Variants in NSD2 observed in about 807,000 individuals in gnomAD.
The protein encoded by NSD2 is nuclear receptor binding SET domain protein 2.
Under a neutral mutation model 139.0 loss-of-function variants are expected in NSD2, and 12 were observed. The ratio of observed to expected loss-of-function variants is 0.09; its 90% CI spans 0.06 to 0.14. The LOEUF (loss-of-function observed/expected upper bound fraction) is 0.14, where lower values mean the gene tolerates loss of function less well. NSD2 is among the 10% of genes least tolerant of loss of function. The pLI is 1.00. For synonymous variants in NSD2, 669 were observed against 648.7 expected (o/e 1.03, Z -0.48); for missense variants, 1,155 against 1,745.0 (o/e 0.66, Z 6.02).
chr4:1,921,144 T>C (rs561805326), intron 5 of NSD2, among the ~76,000 whole-genome samples: 1 of 152,128 alleles, frequency 6.6e-6, no homozygotes, highest in Non-Finnish European at 1.5e-5. Context: ...ATCAAGGATA[T>C]TACACATGAA....
At chr4:1,977,355 C>T (rs145285460) in intron 21 of NSD2, among the ~76,000 whole-genome samples, 328 of 152,346 alleles carry the variant, frequency 2.2e-3, no homozygotes, top group African/African-American at 6.7e-3. Flanking sequence ...TCTGGCGGTG[C>T]GCAGACATCA....
intron 17 of NSD2, 146 bp downstream of exon 17, chr4:1,959,886 G>T (rs966698302): frequency 2.0e-6 from 2 of 980,892 alleles, no homozygotes; most frequent in Non-Finnish European, 3.0e-6. Flanking sequence ...TTTGAGACAG[G>T]GTCTCACTCT....
chr4:1,922,658 G>A (rs1004002490), intron 5 of NSD2, among the ~76,000 whole-genome samples: 7 of 152,216 alleles, frequency 4.6e-5, no homozygotes, highest in Admixed American at 3.9e-4. Flanking sequence ...AGGTGTGGTG[G>A]CTTACGCCTG....
At chr4:1,886,780 A>G (rs949534423) in intron 1 of NSD2, among the ~76,000 whole-genome samples, 4 of 152,034 alleles carry the variant, frequency 2.6e-5, no homozygotes, top group Non-Finnish European at 5.9e-5. Context: ...TGGAGGTTGC[A>G]GTGAGCTGAG....
At chr4:1,926,355 A>G (rs1720913974) in intron 5 of NSD2, among the ~76,000 whole-genome samples, 3 of 150,894 alleles carry the variant, frequency 2.0e-5, no homozygotes, top group Non-Finnish European at 4.4e-5. Flanking sequence ...GGGTTTCACC[A>G]TGTTGGCCAG....
At chr4:1,966,825 A>G (rs1271056476) in intron 18 of NSD2, among the ~76,000 whole-genome samples, 1 of 152,216 alleles carries the variant, frequency 6.6e-6, no homozygotes, top group African/African-American at 2.4e-5. Flanking sequence ...AGGGCACTCA[A>G]TACATAAAGA....
At chr4:1,898,556 C>G (rs1577385535) in intron 1 of NSD2, among the ~76,000 whole-genome samples, 1 of 151,206 alleles carries the variant, frequency 6.6e-6, no homozygotes, top group Non-Finnish European at 1.5e-5. Context: ...CCCAGCTACT[C>G]AGGAGGGTGA....
chr4:1,944,318 G>A (rs1723401889), intron 9 of NSD2: 1 of 1,066,226 alleles, frequency 9.4e-7, no homozygotes, highest in Non-Finnish European at 1.1e-6. Context: ...GAGGACCATT[G>A]GCTTGCCAAG....
At chr4:1,882,311 C>T (rs1046575822) in intron 1 of NSD2, among the ~76,000 whole-genome samples, 7 of 152,210 alleles carry the variant, frequency 4.6e-5, no homozygotes, top group Middle Eastern at 3.2e-3. Context: ...CGTGCTTTAT[C>T]GTGTTCCCTT....
In NSD2 at chr4:1,972,082, C is replaced by T. The variant is rs1040249206; in HGVS notation, c.3373-2781C>T. On this transcript the variant is annotated intron_variant, in intron 18 of 21. Transcript: ENST00000508803. The surrounding 1 kb of genome is among the most constrained non-coding windows in gnomAD (Gnocchi z 4.0). The stretch of plus-strand genomic sequence containing the variant: ...GCAGCAAGAGGCAAACAGTGTCTCT[C>T]GGAGAATGTGACGGCTGTGTTTGGT... Among the ~76,000 whole-genome samples, 13 of 152,258 alleles carry T rather than the reference C, an allele frequency of 8.5e-5. No individual in the cohort carries two copies. The South Asian group carries it at 1.5e-3, about 17-fold the overall frequency.
rs967760675 is a variant in NSD2, at chr4:1,980,651, T to TG, written c.*1744dup. 1 of 233,082 alleles carries TG rather than the reference T, an allele frequency of 4.3e-6. No homozygotes were observed. The highest frequency in any genetic ancestry group is 8.5e-6 in the Non-Finnish European group (1 of 118,018). The allele number at this position is 233,082 out of a possible 1,614,324, so 14.4% of individuals were successfully genotyped here. A position where few individuals can be genotyped will look rare whatever the true frequency, so the allele number is the denominator to read the frequency against. On this transcript the variant is annotated 3_prime_UTR_variant, in exon 22 of 22. Coordinates refer to ENST00000508803, the MANE Select transcript of NSD2 (RefSeq NM_001042424.3). ...GTCCCACGCCTCCCTGAGCACTGACTGGAAGTTTCACTGGCTGGTGGCTGT... is the reference window on the plus strand; with the variant it reads ...GTCCCACGCCTCCCTGAGCACTGACTGGGAAGTTTCACTGGCTGGTGGCTGT...
chr4:1,926,228 C>T (rs1447693724), intron 5 of NSD2, among the ~76,000 whole-genome samples: 1 of 149,854 alleles, frequency 6.7e-6, no homozygotes, highest in Non-Finnish European at 1.5e-5. Flanking sequence ...GATCTCGGCT[C>T]ACTGCAACCT....
rs559047720 is a variant in NSD2, at chr4:1,966,387, T to C, written c.3372+5236T>C. On this transcript the variant is annotated intron_variant, in intron 18 of 21. Transcript: ENST00000508803. ...ATTGAAGAGATAGGGCTGGGCATGG[T>C]GGCTCACGCCTGTAATTCCAGCGCT... Among the ~76,000 whole-genome samples the C allele has an allele frequency of 2.0e-3, 294 of 148,962 alleles. 1 individual carries two copies. The highest frequency in any genetic ancestry group is 7.0e-3 in the African/African-American group (283 of 40,580).
At chr4:1,886,521 A>T (rs1452188676) in intron 1 of NSD2, among the ~76,000 whole-genome samples, 1 of 151,932 alleles carries the variant, frequency 6.6e-6, no homozygotes, top group Non-Finnish European at 1.5e-5. Context: ...AGCTGTTTCT[A>T]TTTATCTGTA....
At chr4:1,964,265 A>G (rs775398974) in intron 18 of NSD2, among the ~76,000 whole-genome samples, 7 of 152,176 alleles carry the variant, frequency 4.6e-5, no homozygotes, top group Non-Finnish European at 1.0e-4. Context: ...AGGTTAAAAT[A>G]GAGTCATTGA....
chr4:1,920,276 C>T (rs1436791899), intron 5 of NSD2, among the ~76,000 whole-genome samples: 4 of 152,014 alleles, frequency 2.6e-5, no homozygotes, highest in Non-Finnish European at 5.9e-5. Context: ...ATGGTGAAAC[C>T]TTGTCTCTAC....
chr4:1,943,880 T>G, intron 9 of NSD2: 1 of 1,063,536 alleles, frequency 9.4e-7, no homozygotes, highest in Non-Finnish European at 1.1e-6. Context: ...CATGATGAAT[T>G]TTGCATGGGT....
intron 1 of NSD2, among the ~76,000 whole-genome samples, chr4:1,896,767 TTCTC>T (rs1194169766): frequency 6.6e-6 from 1 of 151,550 alleles, no homozygotes; most frequent in East Asian, 1.9e-4. Context: ...TCCTTCTTTC[TTCTC>T]TTTTTTTTCT....
chr4:1,947,457 C>T (rs532169633), intron 9 of NSD2: 2 of 1,058,844 alleles, frequency 1.9e-6, no homozygotes, highest in African/African-American at 3.3e-5. Flanking sequence ...TCACCCCCAG[C>T]CCTGACCCTA....
Sources: allele counts gnomAD v4.1 joint callset (sites outside exome capture counted in the v4.1 genomes callset), GRCh38; gene constraint gnomAD v4.1.1; non-coding constraint Gnocchi (gnomAD v3.1); transcripts MANE v1.5; gene names NCBI Gene and HGNC (gene_info 2026-07-23, HGNC 2026-07-21).